The following ZC3H18 variants were observed in gnomAD, a reference collection of about 807,000 sequenced individuals.
ZC3H18 encodes the protein zinc finger CCCH-type containing 18, also known as zinc finger CCCH domain-containing protein 18.
In ZC3H18, 8 loss-of-function variants were observed where a neutral mutation model predicts 106.1. The observed-to-expected ratio is 0.08, with a 90% CI of 0.04 to 0.14. ZC3H18 has a LOEUF of 0.14. ZC3H18 is among the 10% of genes least tolerant of loss of function. The pLI is 1.00. For missense variants in ZC3H18, 1,318 were observed against 1,278.4 expected (o/e 1.03, Z -0.47); for synonymous variants, 635 against 522.1 (o/e 1.22, Z -2.95).
At chr16:88,624,982 G>T (rs999642237) in intron 12 of ZC3H18, among the ~76,000 whole-genome samples, 1 of 152,194 alleles carries the variant, frequency 6.6e-6, no homozygotes, top group Non-Finnish European at 1.5e-5. Flanking sequence ...AGGCCTTCCC[G>T]CCATGGCCCC....
At chr16:88,616,110 C>T (rs1171825712) in intron 8 of ZC3H18, among the ~76,000 whole-genome samples, 2 of 152,208 alleles carry the variant, frequency 1.3e-5, no homozygotes, top group East Asian at 1.9e-4. Context: ...AGCAGGTTGC[C>T]ATCGCCAGCC....
chr16:88,594,968 A>G (rs945208125), intron 3 of ZC3H18, among the ~76,000 whole-genome samples: 6 of 152,108 alleles, frequency 3.9e-5, no homozygotes, highest in Non-Finnish European at 7.4e-5. Context: ...CCTGACCAAC[A>G]TGGAGAAACC....
intron 10 of ZC3H18, 121 bp downstream of exon 10, chr16:88,623,465 T>G (rs1906098227): frequency 1.5e-6 from 2 of 1,340,888 alleles, no homozygotes; most frequent in Non-Finnish European, 2.0e-6. Flanking sequence ...TGCTGGCAGC[T>G]GAACTAGGAT....
chr16:88,626,193 C>T (rs1322531270), intron 13 of ZC3H18: 1 of 152,122 alleles, frequency 6.6e-6, no homozygotes, highest in African/African-American at 2.4e-5. Flanking sequence ...CTCAGGTGAT[C>T]CATCCGCCTC....
chr16:88,628,723 C>T (rs1191324519), intron 15 of ZC3H18, 35 bp from the exon 16 acceptor site: 1 of 1,610,300 alleles, frequency 6.2e-7, no homozygotes. Context: ...TGGCTCCTGG[C>T]CCTGCTGTCC....
chr16:88,613,497 G>C (rs1174842174), intron 8 of ZC3H18, among the ~76,000 whole-genome samples: 1 of 152,102 alleles, frequency 6.6e-6, no homozygotes, highest in African/African-American at 2.4e-5. Context: ...CTGCATCCTT[G>C]TCTGCACTTG....
At chr16:88,597,790 G>A (rs941055669) in intron 3 of ZC3H18, among the ~76,000 whole-genome samples, 10 of 152,312 alleles carry the variant, frequency 6.6e-5, no homozygotes, top group African/African-American at 1.9e-4. Flanking sequence ...TGTCTGTTTC[G>A]GCACAAATAC....
chr16:88,604,205 A>G lies in ZC3H18; in HGVS notation c.1088+4257A>G, dbSNP rs1904896755. Among the ~76,000 whole-genome samples the G allele has an allele frequency of 2.0e-5, 3 of 152,076 alleles. No individual in the cohort carries two copies. In the South Asian group the frequency reaches 6.2e-4, roughly 32 times the overall value. ...CATCTCTACAAAATATACAAAAATT[A>G]GTTGGGCATGGTGGCACGCACCTGT... On this transcript the variant is annotated intron_variant, in intron 6 of 17. Coordinates refer to ENST00000301011, the MANE Select transcript of ZC3H18 (RefSeq NM_144604.4).
chr16:88,596,622 T>C (rs936825990), intron 3 of ZC3H18, among the ~76,000 whole-genome samples: 2 of 152,024 alleles, frequency 1.3e-5, no homozygotes, highest in African/African-American at 4.8e-5. Context: ...CCTGGGACTG[T>C]CTCACTCAGT....
intron 6 of ZC3H18, 73 bp downstream of exon 6, chr16:88,600,021 G>A: frequency 6.4e-7 from 1 of 1,571,356 alleles, no homozygotes; most frequent in South Asian, 1.2e-5. Context: ...GCAGCCATGT[G>A]CAGGGCCCCA....
chr16:88,594,727 G>A (rs1180871516), intron 3 of ZC3H18, among the ~76,000 whole-genome samples: 3 of 152,244 alleles, frequency 2.0e-5, no homozygotes, highest in African/African-American at 4.8e-5. Context: ...CATGGGATAG[G>A]TGGTCAACTT....
intron 2 of ZC3H18, among the ~76,000 whole-genome samples, chr16:88,580,205 T>A (rs1395061783): frequency 1.3e-3 from 48 of 37,212 alleles, no homozygotes; most frequent in African/African-American, 2.4e-3. Flanking sequence ...TGTGTGTGTG[T>A]GTGTATATGT....
chr16:88,609,902 G>C (rs147271265), intron 7 of ZC3H18, among the ~76,000 whole-genome samples: 1 of 152,090 alleles, frequency 6.6e-6, no homozygotes, highest in Non-Finnish European at 1.5e-5. Context: ...TGCCCAGCTC[G>C]GCCTGGTTTT....
chr16:88,630,687 G>A, intron 17 of ZC3H18, 106 bp downstream of exon 17: 2 of 934,594 alleles, frequency 2.1e-6, no homozygotes, highest in African/African-American at 3.3e-5. Context: ...CAGGCTGGAG[G>A]CGTCACTACA....
At chr16:88,614,749 C>T (rs553394899) in intron 8 of ZC3H18, among the ~76,000 whole-genome samples, 2 of 152,342 alleles carry the variant, frequency 1.3e-5, no homozygotes, top group East Asian at 1.9e-4. Flanking sequence ...GACATTGTGC[C>T]GCCTTCTTCA....
At chr16:88,597,421 T>G (rs143275944) in intron 3 of ZC3H18, among the ~76,000 whole-genome samples, 40 of 152,350 alleles carry the variant, frequency 2.6e-4, no homozygotes, top group Middle Eastern at 3.4e-3. Flanking sequence ...AAAAAATTTT[T>G]AAACCGCTTA....
chr16:88,587,807 A>G (rs1432408300), intron 3 of ZC3H18, among the ~76,000 whole-genome samples: 1 of 152,172 alleles, frequency 6.6e-6, no homozygotes, highest in African/African-American at 2.4e-5. Flanking sequence ...CAGGCAGGAC[A>G]CACCCTTGGG....
At chr16:88,625,131 G>A (rs1906220824) in intron 12 of ZC3H18, 71 bp from the exon 13 acceptor site, 1 of 1,526,484 alleles carries the variant, frequency 6.6e-7, no homozygotes, top group South Asian at 1.2e-5. Flanking sequence ...CAGGGCTGCT[G>A]GTGGGGAGGG....
rs1205191982 is a variant in ZC3H18 at position 88,611,366 on chromosome 16, G to C, written c.1305G>C (p.Glu435Asp). The C allele has an allele frequency of 1.0e-6, 1 of 971,478 alleles. No homozygotes were observed. The highest frequency in any genetic ancestry group is 1.6e-6 in the Non-Finnish European group (1 of 617,474). 60.2% of individuals were successfully genotyped at this position (971,478 alleles called of 1,614,324 possible). A position where few individuals can be genotyped will look rare whatever the true frequency, so the allele number is the denominator to read the frequency against. Residue 435 changes from glutamate (E) to aspartate (D), a missense_variant, in exon 8 of 18, where the codon GAG becomes GAC. By Grantham distance (45) the Glu-to-Asp change is conservative. This residue lies in a region of ZC3H18 where 848 missense variants were observed against 821.7 expected (regional missense o/e 1.03). Transcript: ENST00000301011. Reference sequence around the variant, plus strand: ...GGGAGCGCCGGCAGAGGGAGCGCGAGCGAGAGCGGGAGCGCGAGCGCGACA... The same window carrying C: ...GGGAGCGCCGGCAGAGGGAGCGCGACCGAGAGCGGGAGCGCGAGCGCGACA... ...RERERRQRER[E>D]RERERERDKE...
Sources: gnomAD v4.1 joint callset for allele counts (sites outside exome capture counted in the v4.1 genomes callset) on GRCh38, gnomAD v4.1.1 for gene constraint, gnomAD v4.1.1 regional missense constraint, MANE v1.5 for transcripts, NCBI Gene and HGNC (gene_info 2026-07-23, HGNC 2026-07-21) for gene names.